ACVR2A: variants seen among roughly 807,000 people sequenced by gnomAD.
ACVR2A encodes activin A receptor type 2A, also known as activin receptor type-2A.
Under a neutral mutation model 61.4 loss-of-function variants are expected in ACVR2A, and 7 were observed. That is an observed-to-expected ratio of 0.11 (90% CI 0.06 to 0.21). The LOEUF (loss-of-function observed/expected upper bound fraction) is 0.21. ACVR2A is among the 10% of genes least tolerant of loss of function. The pLI is 1.00. For synonymous variants in ACVR2A, 193 were observed against 208.3 expected (o/e 0.93, Z 0.63); for missense variants, 322 against 621.7 (o/e 0.52, Z 5.13).
intron 1 of ACVR2A, among the ~76,000 whole-genome samples, chr2:147,873,322 G>A (rs1426750388): frequency 6.6e-6 from 1 of 151,934 alleles, no homozygotes; most frequent in African/African-American, 2.4e-5. Context: ...ATTAATTTTA[G>A]TAATGTATTT....
chr2:147,923,203 A>G, intron 9 of ACVR2A, 92 bp downstream of exon 9: 1 of 1,408,304 alleles, frequency 7.1e-7, no homozygotes. Flanking sequence ...ATTTTAAAGT[A>G]CAGTTTTTTT....
At chr2:147,869,981 G>A (rs1685968249) in intron 1 of ACVR2A, among the ~76,000 whole-genome samples, 1 of 151,680 alleles carries the variant, frequency 6.6e-6, no homozygotes, top group Non-Finnish European at 1.5e-5. Context: ...GGTTATTTAT[G>A]TAGGTCCTTG....
intron 5 of ACVR2A, 85 bp downstream of exon 5, chr2:147,915,419 C>T (rs1573706781): frequency 2.0e-6 from 3 of 1,527,502 alleles, no homozygotes; most frequent in East Asian, 4.5e-5. Flanking sequence ...AAACAGAAGC[C>T]ATATGTACCA....
intron 2 of ACVR2A, among the ~76,000 whole-genome samples, chr2:147,897,413 A>G (rs1440975305): frequency 1.3e-5 from 2 of 152,206 alleles, no homozygotes; most frequent in Admixed American, 1.3e-4. Flanking sequence ...GAAGTAAAAT[A>G]CAGTGGTCAT....
In ACVR2A at chr2:147,917,312, A is replaced by C. The variant is rs768445996; in HGVS notation, c.702A>C (p.Glu234Asp). 2.5e-6 allele frequency: 4 copies of C among 1,611,960 alleles called. No individual in the cohort carries two copies. Among genetic ancestry groups the C allele is most frequent in the African/African-American group, 2.7e-5 (2 of 74,790 alleles). The change falls in exon 6 of 11, where the codon GAA (glutamate) becomes GAC (aspartate). Residue 234 changes from glutamate (E) to aspartate (D), a missense_variant. This residue lies in a region of ACVR2A where 146 missense variants were observed against 383.8 expected (regional missense o/e 0.38). Coordinates refer to ENST00000241416, the MANE Select transcript of ACVR2A (RefSeq NM_001616.5). ...QDKQSWQNEY[E>D]VYSLPGMKHE... ...AACAGTCATGGCAAAATGAATACGAAGTCTACAGTTTGCCTGGAATGAAGC... is the reference window on the plus strand; with the variant it reads ...AACAGTCATGGCAAAATGAATACGACGTCTACAGTTTGCCTGGAATGAAGC...
chr2:147,904,352 T>C (rs772281030), intron 4 of ACVR2A, among the ~76,000 whole-genome samples: 1 of 151,948 alleles, frequency 6.6e-6, no homozygotes, highest in Non-Finnish European at 1.5e-5. Flanking sequence ...TTCATAACCA[T>C]ATGTGAGCTT....
intron 2 of ACVR2A, 85 bp from the exon 3 acceptor site, chr2:147,899,368 ATTTAT>A: frequency 1.2e-6 from 1 of 847,782 alleles, no homozygotes; most frequent in South Asian, 2.8e-5. Context: ...TAAATGACTA[ATTTAT>A]TATTTTATTG....
chr2:147,858,654 C>T (rs2105141480), intron 1 of ACVR2A, among the ~76,000 whole-genome samples: 1 of 152,258 alleles, frequency 6.6e-6, no homozygotes, highest in East Asian at 1.9e-4. Context: ...AAATATTTAT[C>T]AATGAATGTT....
At position 147,900,012 on chromosome 2, in the gene ACVR2A, G is replaced by A. The variant is rs183514413; in HGVS notation, c.528+114G>A. 1.5e-3 allele frequency: 1,846 copies of A among 1,231,206 alleles called. 6 individuals are homozygous for A. Among genetic ancestry groups the A allele is most frequent in the South Asian group, 6.8e-3 (436 of 64,390 alleles). 76.3% of individuals were successfully genotyped at this position (1,231,206 alleles called of 1,614,324 possible). Reference sequence around the variant, plus strand: ...TTATTTTCCTTTGGAGTTAATTTTTGAATGTTTATTGTCATGAGAACTCTA... The same window carrying A: ...TTATTTTCCTTTGGAGTTAATTTTTAAATGTTTATTGTCATGAGAACTCTA... On this transcript the variant is annotated intron_variant, in intron 4 of 10. Transcript: ENST00000241416.
intron 1 of ACVR2A, among the ~76,000 whole-genome samples, chr2:147,867,405 A>G (rs2105152496): frequency 6.6e-6 from 1 of 152,304 alleles, no homozygotes; most frequent in Non-Finnish European, 1.5e-5. Context: ...CTTGGCTGCC[A>G]TCTTCAACGT....
At chr2:147,868,621 T>TTTATTTA (rs1553485100) in intron 1 of ACVR2A, among the ~76,000 whole-genome samples, 2 of 150,956 alleles carry the variant, frequency 1.3e-5, no homozygotes, top group South Asian at 2.1e-4. Context: ...TTTTATTTTA[T>TTTATTTA]TTTATTTATT....
Position 147,927,392 on chromosome 2 carries a change from TAAGA to T in ACVR2A, c.*124_*127del, listed in dbSNP as rs1024204964. 1.2e-5 allele frequency: 12 copies of T among 1,021,784 alleles called. No homozygotes were observed. Among genetic ancestry groups the T allele is most frequent in the Middle Eastern group, 2.2e-4 (1 of 4,528 alleles). The allele number at this position is 1,021,784 out of a possible 1,614,324, so 63.3% of individuals were successfully genotyped here. On this transcript the variant is annotated 3_prime_UTR_variant, in exon 11 of 11. Transcript: ENST00000241416. ...TGAGTAGGATGTCTCTTGGAAATGT[TAAGA>T]AAGAAGACCCTTTGTTGAAAAATGT...
intron 1 of ACVR2A, among the ~76,000 whole-genome samples, chr2:147,852,655 C>T (rs529681189): frequency 6.6e-6 from 1 of 151,972 alleles, no homozygotes; most frequent in African/African-American, 2.4e-5. Context: ...TAAGCACACA[C>T]GAAGGCGCTG....
At chr2:147,866,625 C>T (rs147954845) in intron 1 of ACVR2A, among the ~76,000 whole-genome samples, 1 of 152,120 alleles carries the variant, frequency 6.6e-6, no homozygotes, top group Non-Finnish European at 1.5e-5. Context: ...GACGAGTCTG[C>T]AGAGGTGGGT....
At chr2:147,844,652 A>G (rs542380518), upstream of ACVR2A, 1,749 of 150,514 alleles carry the variant, frequency 0.012, 34 homozygotes, top group African/African-American at 0.042. Context: ...CCTCGCCGCC[A>G]CCGCCGCGAG....
intron 4 of ACVR2A, among the ~76,000 whole-genome samples, chr2:147,909,724 A>G (rs750218225): frequency 5.3e-5 from 8 of 152,090 alleles, no homozygotes; most frequent in Non-Finnish European, 7.4e-5. Flanking sequence ...TGCAGCCTCA[A>G]TCTCCCAGGC....
intron 1 of ACVR2A, among the ~76,000 whole-genome samples, chr2:147,847,324 G>C (rs1427196234): frequency 6.6e-6 from 1 of 151,998 alleles, no homozygotes; most frequent in East Asian, 1.9e-4. Context: ...TAAAATGTCT[G>C]ATTTTTAAAA....
intron 1 of ACVR2A, among the ~76,000 whole-genome samples, chr2:147,870,357 C>CT (rs1285605565): frequency 2.6e-5 from 4 of 152,066 alleles, no homozygotes; most frequent in Non-Finnish European, 5.9e-5. Context: ...TGAAATAACT[C>CT]TATGTATCTG....
At chr2:147,863,531 G>A (rs1685777903) in intron 1 of ACVR2A, among the ~76,000 whole-genome samples, 1 of 152,078 alleles carries the variant, frequency 6.6e-6, no homozygotes, top group Non-Finnish European at 1.5e-5. Context: ...TGTTTTGTAT[G>A]TTATATGTGT....
Sources: allele counts gnomAD v4.1 joint callset (sites outside exome capture counted in the v4.1 genomes callset), GRCh38; gene constraint gnomAD v4.1.1; regional missense constraint gnomAD v4.1.1; transcripts MANE v1.5; gene names NCBI Gene and HGNC (gene_info 2026-07-23, HGNC 2026-07-21).